Variants in GRIK1 observed in about 807,000 individuals in gnomAD.
GRIK1 encodes the protein glutamate receptor ionotropic, kainate 1.
GRIK1 carries 69 observed loss-of-function variants against 105.7 expected under a neutral mutation model. That is an observed-to-expected ratio of 0.65 (90% CI 0.54 to 0.80). The LOEUF is 0.80. Ranked by LOEUF, GRIK1 falls within the 30% of genes least tolerant of loss-of-function variation. GRIK1 has a pLI of 0.00. For missense variants in GRIK1, 1,109 were observed against 1,167.3 expected (o/e 0.95, Z 0.73); for synonymous variants, 438 against 431.3 (o/e 1.02, Z -0.19).
chr21:29,921,556 C>T (rs978281012), intron 1 of GRIK1, among the ~76,000 whole-genome samples: 2 of 152,014 alleles, frequency 1.3e-5, no homozygotes. Context: ...AGGTTCCCTT[C>T]GTTTTTAATT....
At chr21:29,915,438 G>T (rs1240213755) in intron 1 of GRIK1, among the ~76,000 whole-genome samples, 1 of 151,938 alleles carries the variant, frequency 6.6e-6, no homozygotes, top group Non-Finnish European at 1.5e-5. Context: ...TATTTATTGA[G>T]TGCCTATCAT....
At chr21:29,772,594 C>T (rs182968993) in intron 1 of GRIK1, among the ~76,000 whole-genome samples, 195 of 152,304 alleles carry the variant, frequency 1.3e-3, no homozygotes, top group African/African-American at 4.3e-3. Flanking sequence ...TCATCCCCCC[C>T]ACCCTTTTTT....
chr21:29,668,513 C>A (rs1469728265), intron 4 of GRIK1, among the ~76,000 whole-genome samples: 1 of 152,150 alleles, frequency 6.6e-6, no homozygotes, highest in Non-Finnish European at 1.5e-5. Context: ...TACTGGAGGC[C>A]AGCAAGAGGA....
intron 1 of GRIK1, among the ~76,000 whole-genome samples, chr21:29,833,719 G>C (rs1239454049): frequency 2.6e-5 from 4 of 151,962 alleles, no homozygotes; most frequent in Non-Finnish European, 5.9e-5. Flanking sequence ...CATGAGATTT[G>C]AGCAGGAACA....
intron 1 of GRIK1, among the ~76,000 whole-genome samples, chr21:29,817,697 C>T (rs925678838): frequency 1.1e-4 from 16 of 152,060 alleles, no homozygotes; most frequent in South Asian, 2.1e-4. Flanking sequence ...CCAAACCTGG[C>T]AAAATCACAG....
In GRIK1 at chr21:29,832,498, C is replaced by T. The variant is rs550671209; in HGVS notation, c.118+106885G>A. On this transcript the variant is annotated intron_variant, in intron 1 of 17. Coordinates refer to ENST00000327783, the MANE Select transcript of GRIK1 (RefSeq NM_001330994.2). ...CCTCTGAAATCTAGGCAGAGGCTCTCAAGTCTCAACTCTTGCCCTCTGCAC... is the reference window on the plus strand; with the variant it reads ...CCTCTGAAATCTAGGCAGAGGCTCTTAAGTCTCAACTCTTGCCCTCTGCAC... 1.1e-4 allele frequency among the ~76,000 whole-genome samples: 17 copies of T among 152,302 alleles called. No homozygotes were observed. The South Asian group carries it at 3.5e-3, about 32-fold the overall frequency.
chr21:29,635,136 C>T (rs914497435), intron 7 of GRIK1, among the ~76,000 whole-genome samples: 8 of 152,108 alleles, frequency 5.3e-5, no homozygotes, highest in African/African-American at 1.9e-4. Flanking sequence ...GGGATGAGGT[C>T]TTAGATAACC....
intron 9 of GRIK1, 86 bp downstream of exon 9, chr21:29,596,440 T>C: frequency 1.1e-6 from 1 of 871,998 alleles, no homozygotes; most frequent in Non-Finnish European, 2.0e-6. Flanking sequence ...GCTACAGGTC[T>C]GGTAACATTG....
chr21:29,634,108 A>G (rs2008728), intron 7 of GRIK1, among the ~76,000 whole-genome samples: 69,469 of 151,668 alleles, frequency 0.46, 16,988 homozygotes, highest in African/African-American at 0.64. Flanking sequence ...AAAATCAGCC[A>G]ACCAACCAAC....
intron 1 of GRIK1, among the ~76,000 whole-genome samples, chr21:29,785,963 C>T (rs1257054903): frequency 6.6e-6 from 1 of 151,758 alleles, no homozygotes; most frequent in Non-Finnish European, 1.5e-5. Context: ...TTTGTCTTCT[C>T]CTTCCCTCTG....
chr21:29,795,550 T>C (rs1294641189), intron 1 of GRIK1, among the ~76,000 whole-genome samples: 2 of 152,166 alleles, frequency 1.3e-5, no homozygotes, highest in Non-Finnish European at 2.9e-5. Flanking sequence ...ATATTATTAC[T>C]CCTTTCTTAT....
At chr21:29,672,127 G>A (rs901294465) in intron 4 of GRIK1, among the ~76,000 whole-genome samples, 7 of 147,280 alleles carry the variant, frequency 4.8e-5, no homozygotes, top group African/African-American at 1.0e-4. Context: ...GTGTGATCTC[G>A]TCTCACTGCA....
intron 1 of GRIK1, among the ~76,000 whole-genome samples, chr21:29,879,507 T>C (rs2069316785): frequency 6.6e-6 from 1 of 152,112 alleles, no homozygotes; most frequent in African/African-American, 2.4e-5. Flanking sequence ...CCTAAGTATA[T>C]CTGACCACTT....
At chr21:29,900,459 C>CAAA (rs746842761) in intron 1 of GRIK1, among the ~76,000 whole-genome samples, 1 of 78,326 alleles carries the variant, frequency 1.3e-5, no homozygotes. Context: ...AAATGGAAAG[C>CAAA]AAGAAAAAAA....
intron 1 of GRIK1, among the ~76,000 whole-genome samples, chr21:29,868,005 AAG>A (rs2068883912): frequency 2.1e-5 from 3 of 141,358 alleles, no homozygotes; most frequent in African/African-American, 8.2e-5. Flanking sequence ...GAGAGAAAGA[AAG>A]AAAGAAAAGA....
intron 1 of GRIK1, among the ~76,000 whole-genome samples, chr21:29,868,011 G>GA (rs201649826): frequency 0.19 from 28,290 of 147,354 alleles, 3,191 homozygotes; most frequent in East Asian, 0.4. Context: ...AAGAAAGAAA[G>GA]AAAAGACAGA....
At chr21:29,663,472 G>T (rs1192847010) in intron 4 of GRIK1, among the ~76,000 whole-genome samples, 1 of 152,166 alleles carries the variant, frequency 6.6e-6, no homozygotes, top group Non-Finnish European at 1.5e-5. Flanking sequence ...TTCTTCTTCT[G>T]TAAGAATTCA....
chr21:29,734,219 T>G (rs935166760), intron 1 of GRIK1, among the ~76,000 whole-genome samples: 12 of 152,300 alleles, frequency 7.9e-5, no homozygotes, highest in African/African-American at 2.9e-4. Context: ...TCCAGGCTAC[T>G]GGCCTTCCTT....
chr21:29,754,847 C>G (rs1338614226), intron 1 of GRIK1, among the ~76,000 whole-genome samples: 1 of 152,168 alleles, frequency 6.6e-6, no homozygotes, highest in Non-Finnish European at 1.5e-5. Flanking sequence ...CAGCTTCAGC[C>G]TGGGAGTCTC....
Sources: allele counts gnomAD v4.1 joint callset (sites outside exome capture counted in the v4.1 genomes callset), GRCh38; gene constraint gnomAD v4.1.1; transcripts MANE v1.5; gene names NCBI Gene and HGNC (gene_info 2026-07-23, HGNC 2026-07-21).